Variants in CACNB2 observed in about 807,000 individuals in gnomAD.
CACNB2 encodes the protein calcium voltage-gated channel auxiliary subunit beta 2, also known as voltage-dependent L-type calcium channel subunit beta-2.
Under a neutral mutation model 73.3 loss-of-function variants are expected in CACNB2, and 42 were observed. The observed-to-expected ratio is 0.57, with a 90% confidence interval of 0.45 to 0.74. CACNB2 has a LOEUF of 0.74. Ranked by LOEUF, CACNB2 falls within the 30% of genes least tolerant of loss-of-function variation. The pLI is 0.00. For synonymous variants in CACNB2, 348 were observed against 310.3 expected (o/e 1.12, Z -1.28); for missense variants, 940 against 853.0 (o/e 1.10, Z -1.27).
At chr10:18,479,610 C>T (rs2048616489) in intron 3 of CACNB2, among the ~76,000 whole-genome samples, 1 of 152,152 alleles carries the variant, frequency 6.6e-6, no homozygotes, top group Non-Finnish European at 1.5e-5. Context: ...GTGATTGGAT[C>T]ATGGGGGTGG....
intron 3 of CACNB2, among the ~76,000 whole-genome samples, chr10:18,482,657 C>T (rs2048844895): frequency 6.6e-6 from 1 of 152,022 alleles, no homozygotes; most frequent in Admixed American, 6.6e-5. Context: ...AGTACTGGTG[C>T]CCGCCACCAT....
At chr10:18,490,027 A>T (rs1447808676) in intron 3 of CACNB2, among the ~76,000 whole-genome samples, 14 of 152,130 alleles carry the variant, frequency 9.2e-5, no homozygotes, top group Non-Finnish European at 2.9e-5. Context: ...ACAGGTGCAC[A>T]CCACCACAGA....
chr10:18,173,412 A>C (rs139391706), intron 2 of CACNB2, among the ~76,000 whole-genome samples: 9 of 152,334 alleles, frequency 5.9e-5, no homozygotes, highest in African/African-American at 2.2e-4. Flanking sequence ...TGTTGGCTCA[A>C]ATGGTACTAA....
intron 2 of CACNB2, among the ~76,000 whole-genome samples, chr10:18,156,874 G>GA (rs397697859): frequency 0.31 from 44,422 of 142,148 alleles, 6,802 homozygotes; most frequent in East Asian, 0.46. Flanking sequence ...ACTAAAAGTA[G>GA]AAAAAAAAAA....
chr10:18,314,897 A>G (rs2040102382), intron 2 of CACNB2, among the ~76,000 whole-genome samples: 2 of 152,242 alleles, frequency 1.3e-5, no homozygotes, highest in Non-Finnish European at 2.9e-5. Flanking sequence ...ACTAACTCAG[A>G]AAAACTCATG....
intron 2 of CACNB2, among the ~76,000 whole-genome samples, chr10:18,392,838 T>C (rs1564498840): frequency 6.6e-6 from 1 of 152,198 alleles, no homozygotes. Flanking sequence ...ACTATTTTTC[T>C]GCTCCCTGCC....
chr10:18,373,374 C>G, intron 2 of CACNB2, among the ~76,000 whole-genome samples: 1 of 152,150 alleles, frequency 6.6e-6, no homozygotes, highest in Non-Finnish European at 1.5e-5. Context: ...GGACAGCTTT[C>G]CTTAAGGGCC....
At chr10:18,181,252 C>T (rs1012776082) in intron 2 of CACNB2, among the ~76,000 whole-genome samples, 3 of 152,156 alleles carry the variant, frequency 2.0e-5, no homozygotes, top group African/African-American at 7.2e-5. Flanking sequence ...TGAAACTTCC[C>T]TCTTAGCAAA....
At chr10:18,246,687 C>T (rs12359413) in intron 2 of CACNB2, among the ~76,000 whole-genome samples, 50,039 of 152,046 alleles carry the variant, frequency 0.33, 10,012 homozygotes, top group Non-Finnish European at 0.43. Flanking sequence ...CTCAAGTGAT[C>T]CTCCCGCCTC....
At chr10:18,181,028 C>T (rs1399610290) in intron 2 of CACNB2, among the ~76,000 whole-genome samples, 3 of 149,472 alleles carry the variant, frequency 2.0e-5, no homozygotes, top group Non-Finnish European at 4.4e-5. Context: ...GGCTATTTTC[C>T]CCTCAAGGAT....
At chr10:18,406,764 C>G (rs2132581211) in intron 3 of CACNB2, among the ~76,000 whole-genome samples, 1 of 152,202 alleles carries the variant, frequency 6.6e-6, no homozygotes, top group Admixed American at 6.5e-5. Context: ...ATCCCCAAAC[C>G]CCAGTCCATG....
In CACNB2 at chr10:18,324,590, C is replaced by T. The variant is rs148971094; in HGVS notation, c.214-77334C>T. ...CTGTGGGGTTGGGTGCAGTGGCTCA[C>T]GCCTGTAATCCCAACACTTTGGGAG... On this transcript the variant is annotated intron_variant, in intron 2 of 13. Coordinates refer to ENST00000324631, the MANE Select transcript of CACNB2 (RefSeq NM_201596.3). Among the ~76,000 whole-genome samples the T allele has an allele frequency of 7.2e-4, 110 of 152,366 alleles. 1 individual carries two copies. The Middle Eastern group carries it at 0.01, about 14-fold the overall frequency.
intron 2 of CACNB2, among the ~76,000 whole-genome samples, chr10:18,307,937 GAAATT>G (rs1391387025): frequency 7.0e-6 from 1 of 142,634 alleles, no homozygotes; most frequent in Non-Finnish European, 1.5e-5. Context: ...TTCAGTCAGA[GAAATT>G]AAAAGGTAGG....
chr10:18,322,846 C>T (rs972088871), intron 2 of CACNB2, among the ~76,000 whole-genome samples: 4 of 151,120 alleles, frequency 2.6e-5, no homozygotes, highest in African/African-American at 9.7e-5. Flanking sequence ...GGTCTTACTT[C>T]CTGCCTAAAA....
At chr10:18,377,582 T>C (rs1017039401) in intron 2 of CACNB2, among the ~76,000 whole-genome samples, 3 of 152,220 alleles carry the variant, frequency 2.0e-5, no homozygotes, top group Admixed American at 1.3e-4. Context: ...CAACATGAGA[T>C]GTTCTTCTTC....
At chr10:18,362,415 A>C (rs1200530599) in intron 2 of CACNB2, among the ~76,000 whole-genome samples, 1 of 152,140 alleles carries the variant, frequency 6.6e-6, no homozygotes, top group Non-Finnish European at 1.5e-5. Flanking sequence ...AGTTTTTTCT[A>C]ATTCTTTACA....
At chr10:18,535,878 T>A (rs919979621) in intron 11 of CACNB2, among the ~76,000 whole-genome samples, 1 of 152,152 alleles carries the variant, frequency 6.6e-6, no homozygotes, top group Admixed American at 6.5e-5. Context: ...GGTTGTGAGA[T>A]AAAATGTTTG....
At chr10:18,404,741 G>A (rs1325438163) in intron 3 of CACNB2, among the ~76,000 whole-genome samples, 1 of 152,096 alleles carries the variant, frequency 6.6e-6, no homozygotes, top group Non-Finnish European at 1.5e-5. Flanking sequence ...GTGAAATAAC[G>A]TGATTAGCAA....
intron 2 of CACNB2, among the ~76,000 whole-genome samples, chr10:18,263,141 T>C (rs972520346): frequency 6.6e-6 from 1 of 152,236 alleles, no homozygotes; most frequent in Non-Finnish European, 1.5e-5. Context: ...ACCTCTCTTC[T>C]TTGACACTTT....
Sources: gnomAD v4.1 joint callset for allele counts (sites outside exome capture counted in the v4.1 genomes callset) on GRCh38, gnomAD v4.1.1 for gene constraint, MANE v1.5 for transcripts, NCBI Gene and HGNC (gene_info 2026-07-23, HGNC 2026-07-21) for gene names.